ZNF599: variants seen among roughly 807,000 people sequenced by gnomAD.
ZNF599 encodes zinc finger protein 599.
ZNF599 carries 10 observed loss-of-function variants against 11.7 expected under a neutral mutation model. The ratio of observed to expected loss-of-function variants is 0.86; its 90% CI spans 0.53 to 1.45. ZNF599 has a LOEUF of 1.45. Ranked by LOEUF, ZNF599 falls within the 40% of genes most tolerant of loss-of-function variation. The pLI is 0.00. For synonymous variants in ZNF599, 232 were observed against 253.2 expected (o/e 0.92, Z 0.79); for missense variants, 688 against 713.6 (o/e 0.96, Z 0.41).
chr19:34,804,219 C>T, the ZNF599 span, among the ~76,000 whole-genome samples: 7 of 152,332 alleles, frequency 4.6e-5, no homozygotes, highest in East Asian at 5.8e-4. Flanking sequence ...ACTATCCTGG[C>T]GAGTCCGTAG....
intron 3 of ZNF599, 106 bp from the exon 4 acceptor site, chr19:34,760,665 G>A: frequency 1.0e-6 from 1 of 999,198 alleles, no homozygotes. Context: ...TGTCTCTGAT[G>A]CCTACTGCAT....
chr19:34,769,703 C>T (rs1414726093), intron 1 of ZNF599, 148 bp from the exon 2 acceptor site: 24 of 923,726 alleles, frequency 2.6e-5, no homozygotes, highest in Middle Eastern at 2.8e-4. Context: ...CAGATGGTGC[C>T]GCTGACAGAA....
chr19:34,806,669 T>A, the ZNF599 span, among the ~76,000 whole-genome samples: 1 of 152,170 alleles, frequency 6.6e-6, no homozygotes, highest in East Asian at 1.9e-4. Flanking sequence ...GACCTTTTGA[T>A]GTTAGAGGGC....
At chr19:34,784,227 G>A in the ZNF599 span, among the ~76,000 whole-genome samples, 5 of 152,002 alleles carry the variant, frequency 3.3e-5, no homozygotes, top group Admixed American at 2.6e-4. Flanking sequence ...ACACCCCTCC[G>A]GTCACATGGC....
intron 3 of ZNF599, among the ~76,000 whole-genome samples, 180 bp from the exon 4 acceptor site, chr19:34,760,739 A>C (rs1427760468): frequency 1.3e-5 from 2 of 152,188 alleles, no homozygotes; most frequent in African/African-American, 4.8e-5. Flanking sequence ...TGAGATCTTT[A>C]AAAGGAAACC....
intron 3 of ZNF599, among the ~76,000 whole-genome samples, chr19:34,766,238 T>C (rs2069142123): frequency 6.6e-6 from 1 of 152,164 alleles, no homozygotes; most frequent in Non-Finnish European, 1.5e-5. Flanking sequence ...ACCTGCTTGA[T>C]GGCTCCAGCT....
the ZNF599 span, among the ~76,000 whole-genome samples, chr19:34,790,870 ATTAT>A: frequency 4.6e-3 from 694 of 152,320 alleles, 6 homozygotes; most frequent in African/African-American, 0.016. Flanking sequence ...ATAAATTCAT[ATTAT>A]TTGTCAATTA....
chr19:34,767,212 T>G (rs2069149790), intron 3 of ZNF599, 104 bp downstream of exon 3: 1 of 817,294 alleles, frequency 1.2e-6, no homozygotes, highest in Non-Finnish European at 2.0e-6. Flanking sequence ...GCTCCATGAC[T>G]GCTCAAGACC....
the ZNF599 span, among the ~76,000 whole-genome samples, chr19:34,803,440 C>T: frequency 6.6e-6 from 1 of 152,296 alleles, no homozygotes; most frequent in East Asian, 1.9e-4. Context: ...ACTCCATTCC[C>T]TCCAGGAGAA....
the ZNF599 span, among the ~76,000 whole-genome samples, chr19:34,806,411 C>G: frequency 1.4e-4 from 22 of 152,118 alleles, no homozygotes; most frequent in Non-Finnish European, 7.3e-5. Flanking sequence ...AACCTTAACT[C>G]AGACTGTGTT....
At chr19:34,771,834 A>T (rs951798466) in intron 1 of ZNF599, among the ~76,000 whole-genome samples, 1 of 152,212 alleles carries the variant, frequency 6.6e-6, no homozygotes, top group Non-Finnish European at 1.5e-5. Flanking sequence ...ACAGAAGCTG[A>T]CATTCTGGGG....
At position 34,760,142 on chromosome 19, in the gene ZNF599, A is replaced by G. The variant is rs1432963159; in HGVS notation, c.659T>C (p.Ile220Thr). Reference sequence around the variant, plus strand: ...CTCATAGGGCTTCACTCCAGCATGAATCTGTTGATGCCGAACAAGGGCCCA... The same window carrying G: ...CTCATAGGGCTTCACTCCAGCATGAGTCTGTTGATGCCGAACAAGGGCCCA... Reference protein sequence around the residue: ...KKWALVRHQQIHAGVKPYECN... With the variant: ...KKWALVRHQQTHAGVKPYECN... Residue 220 changes from isoleucine (I) to threonine (T), a missense_variant, in exon 4 of 4, where the codon ATT becomes ACT. By Grantham distance (89) the Ile-to-Thr change is moderately conservative. Transcript: ENST00000329285. The G allele has an allele frequency of 6.2e-7, 1 of 1,614,112 alleles. No individual in the cohort carries two copies. The highest frequency in any genetic ancestry group is 8.5e-7 in the Non-Finnish European group (1 of 1,180,012).
upstream of ZNF599, among the ~76,000 whole-genome samples, chr19:34,777,391 TATAATATATATTATATATAA>T (rs2069223289): frequency 1.1e-5 from 1 of 90,542 alleles, no homozygotes; most frequent in African/African-American, 4.6e-5. Flanking sequence ...TTAATTAATA[TATAATATATATTATATATAA>T]TATATATTAA....
At chr19:34,807,023 T>G in the ZNF599 span, among the ~76,000 whole-genome samples, 1 of 152,202 alleles carries the variant, frequency 6.6e-6, no homozygotes, top group South Asian at 2.1e-4. Context: ...GTACAACACC[T>G]TGTCACTGCA....
At chr19:34,777,643 T>TA (rs958274258), upstream of ZNF599, among the ~76,000 whole-genome samples, 5 of 144,082 alleles carry the variant, frequency 3.5e-5, no homozygotes, top group African/African-American at 1.0e-4. Context: ...ATTCAGCCTT[T>TA]AAAAAATGAG....
chr19:34,773,702 G>GC (rs1184001586), upstream of ZNF599, among the ~76,000 whole-genome samples: 1 of 78,358 alleles, frequency 1.3e-5, no homozygotes, highest in Non-Finnish European at 3.5e-5. Flanking sequence ...CAGGTACTCT[G>GC]GGGGGTGGGA....
intron 3 of ZNF599, 57 bp downstream of exon 3, chr19:34,767,259 T>C: frequency 7.3e-7 from 1 of 1,378,168 alleles, no homozygotes; most frequent in Non-Finnish European, 1.0e-6. Context: ...GACACAGTGA[T>C]GCCTGGGTGG....
In ZNF599 at chr19:34,759,265, A is replaced by G; in HGVS notation, c.1536T>C (p.Cys512=). ...TTGCAGGTTGGGTAAAAGCCTTTCC[A>G]CATTCTCTACAAACATAGGGCTTCT... ...TGEKPYVCRE[C]GKAFTQPANF... Residue 512 remains cysteine, a synonymous_variant, in exon 4 of 4, where the codon TGT becomes TGC. Coordinates refer to ENST00000329285, the MANE Select transcript of ZNF599 (RefSeq NM_001007248.3). 1.2e-6 allele frequency: 2 copies of G among 1,614,232 alleles called. No individual in the cohort carries two copies. Among genetic ancestry groups the G allele is most frequent in the Non-Finnish European group, 1.7e-6 (2 of 1,180,040 alleles).
chr19:34,766,328 A>C (rs1221682596), intron 3 of ZNF599, among the ~76,000 whole-genome samples: 1 of 152,228 alleles, frequency 6.6e-6, no homozygotes, highest in African/African-American at 2.4e-5. Context: ...GCCAGAAAAC[A>C]ACAGGGCTAG....
Sources: gnomAD v4.1 joint callset for allele counts (sites outside exome capture counted in the v4.1 genomes callset) on GRCh38, gnomAD v4.1.1 for gene constraint, MANE v1.5 for transcripts, NCBI Gene and HGNC (gene_info 2026-07-23, HGNC 2026-07-21) for gene names.